BRDT: variants seen among roughly 807,000 people sequenced by gnomAD.
BRDT encodes bromodomain testis-specific protein.
A neutral mutation model predicts 113.9 loss-of-function variants in BRDT; 77 were observed. The observed-to-expected ratio is 0.68, with a 90% CI of 0.56 to 0.82. BRDT has a LOEUF of 0.82. BRDT is among the 40% of genes least tolerant of loss of function. The pLI, the probability that BRDT is intolerant of heterozygous loss-of-function variation, is 0.00. For missense variants in BRDT, 1,027 were observed against 1,105.4 expected, an observed-to-expected ratio of 0.93 and a Z score of 1.01; for synonymous variants, 358 against 366.5, an observed-to-expected ratio of 0.98 and a Z score of 0.26.
In BRDT at chr1:91,984,625, T is replaced by C. The variant is rs2101697351; in HGVS notation, c.2002+2870T>C. ...GAATATGAAAAATAAAATATAAATA[T>C]GAAAAAATAATTAAAAAAAATTTTT... On this transcript the variant is annotated intron_variant, in intron 12 of 18. Coordinates refer to ENST00000399546, the MANE Select transcript of BRDT (RefSeq NM_207189.4). 2.6e-5 allele frequency among the ~76,000 whole-genome samples: 4 copies of C among 152,258 alleles called. 1 individual carries two copies. The highest frequency in any genetic ancestry group is 9.6e-5 in the African/African-American group (4 of 41,562).
At chr1:91,969,622 C>G (rs1304528655) in intron 4 of BRDT, among the ~76,000 whole-genome samples, 2 of 152,030 alleles carry the variant, frequency 1.3e-5, no homozygotes, top group African/African-American at 4.8e-5. Flanking sequence ...CTAATTGTTG[C>G]TGACTTAATT....
At chr1:91,995,009 A>G (rs1428052710) in intron 15 of BRDT, among the ~76,000 whole-genome samples, 2 of 151,950 alleles carry the variant, frequency 1.3e-5, no homozygotes, top group East Asian at 1.9e-4. Flanking sequence ...GGTAGTTCCT[A>G]TTTGTCTAAA....
At chr1:91,974,703 C>T (rs1377555195) in intron 4 of BRDT, among the ~76,000 whole-genome samples, 2 of 152,158 alleles carry the variant, frequency 1.3e-5, no homozygotes, top group African/African-American at 2.4e-5. Flanking sequence ...ACTAGTTCAA[C>T]CATTGTGGAA....
At chr1:91,966,972 G>C (rs777779919) in intron 3 of BRDT, among the ~76,000 whole-genome samples, 3 of 152,144 alleles carry the variant, frequency 2.0e-5, no homozygotes, top group Non-Finnish European at 2.9e-5. Context: ...AGGAGGCTGA[G>C]GCAGGAGAAT....
chr1:92,002,159 AT>A lies in BRDT; in HGVS notation c.2388+20del, dbSNP rs769049388. The A allele has an allele frequency of 2.2e-4, 341 of 1,524,518 alleles. No homozygotes were observed. Among genetic ancestry groups the A allele is most frequent in the East Asian group, 3.7e-4 (16 of 42,826 alleles). The allele number at this position is 1,524,518 out of a possible 1,614,324, so 94.4% of individuals were successfully genotyped here. ...AGCTCCTGTACAGAAGGTAAAAGTA[AT>A]TTTTTTTTTCTAACAAATCTTGAAG... On this transcript the variant is annotated intron_variant, in intron 16 of 18. Coordinates refer to ENST00000399546, the MANE Select transcript of BRDT (RefSeq NM_207189.4).
intron 12 of BRDT, among the ~76,000 whole-genome samples, chr1:91,990,665 A>G (rs530470650): frequency 3.9e-5 from 6 of 152,350 alleles, no homozygotes; most frequent in Non-Finnish European, 5.9e-5. Context: ...TTACTCTACT[A>G]TAGGAAAATA....
chr1:91,982,234 AT>A (rs912692925), intron 12 of BRDT, among the ~76,000 whole-genome samples: 8 of 151,614 alleles, frequency 5.3e-5, no homozygotes, highest in South Asian at 4.2e-4. Context: ...TGTGAATCAG[AT>A]TTTTTTTTCT....
chr1:92,000,297 T>C (rs1403669650), intron 15 of BRDT, among the ~76,000 whole-genome samples: 1 of 152,206 alleles, frequency 6.6e-6, no homozygotes, highest in Non-Finnish European at 1.5e-5. Flanking sequence ...ACATACTTTT[T>C]CTCCTTCCTA....
chr1:91,985,096 T>A (rs972153723), intron 12 of BRDT, among the ~76,000 whole-genome samples: 2 of 152,180 alleles, frequency 1.3e-5, no homozygotes, highest in Admixed American at 1.3e-4. Context: ...ATTTATTGTG[T>A]TTTGAGACGG....
intron 1 of BRDT, among the ~76,000 whole-genome samples, chr1:91,956,706 G>A (rs902952615): frequency 1.3e-5 from 2 of 152,126 alleles, no homozygotes; most frequent in Non-Finnish European, 2.9e-5. Context: ...GGGAGGCTGA[G>A]GTGAGAGGAT....
intron 12 of BRDT, among the ~76,000 whole-genome samples, chr1:91,985,752 C>CAG (rs1456053874): frequency 6.7e-6 from 1 of 149,982 alleles, no homozygotes; most frequent in African/African-American, 2.4e-5. Flanking sequence ...TATTCTCCTG[C>CAG]CTCAGCCTGC....
chr1:92,004,103 T>C (rs1010475389), intron 16 of BRDT, among the ~76,000 whole-genome samples: 7 of 152,196 alleles, frequency 4.6e-5, no homozygotes, highest in African/African-American at 1.7e-4. Context: ...TTGATTACAC[T>C]GAGGGATTTA....
chr1:92,004,376 C>T, intron 16 of BRDT, 38 bp from the exon 17 acceptor site: 1 of 1,492,760 alleles, frequency 6.7e-7, no homozygotes, highest in East Asian at 2.3e-5. Context: ...ATTTGGTTAA[C>T]ATCTGTAGAC....
Position 91,968,232 on chromosome 1 carries a change from T to C in BRDT, c.417T>C (p.Val139=), listed in dbSNP as rs755274471. The C allele has an allele frequency of 6.2e-7, 1 of 1,614,062 alleles. No homozygotes were observed. Among genetic ancestry groups the C allele is most frequent in the South Asian group, 1.1e-5 (1 of 91,070 alleles). ...KLSQMPQEEQ[V]VGVKERIKKG... ...CTCAGATGCCACAAGAAGAGCAAGT[T>C]GTGGGTGTTAAGGAAAGAATCAAGA... Residue 139 remains valine, a synonymous_variant, in exon 4 of 19, where the codon GTT becomes GTC. Transcript: ENST00000399546.
intron 7 of BRDT, among the ~76,000 whole-genome samples, chr1:91,978,728 CG>C (rs1684392946): frequency 6.6e-6 from 1 of 152,064 alleles, no homozygotes; most frequent in South Asian, 2.1e-4. Context: ...TGGCCCGGCG[CG>C]GTGGCTCACG....
chr1:91,977,429 T>G, intron 6 of BRDT, 36 bp downstream of exon 6: 1 of 1,400,490 alleles, frequency 7.1e-7, no homozygotes, highest in Non-Finnish European at 9.6e-7. Flanking sequence ...CTTCTTTTTC[T>G]TGATTATAAA....
At chr1:91,950,368 T>TG (rs1008136037) in intron 1 of BRDT, 1 of 152,526 alleles carries the variant, frequency 6.6e-6, no homozygotes, top group Non-Finnish European at 1.5e-5. Flanking sequence ...GAGAATCGCT[T>TG]GAACCCAGGA....
intron 1 of BRDT, among the ~76,000 whole-genome samples, chr1:91,951,535 G>A (rs1056606783): frequency 2.6e-5 from 4 of 152,072 alleles, no homozygotes; most frequent in Admixed American, 6.6e-5. Context: ...GGTGGCTCAC[G>A]CCTGTAATCC....
At chr1:91,983,857 T>C (rs1684950821) in intron 12 of BRDT, among the ~76,000 whole-genome samples, 1 of 152,190 alleles carries the variant, frequency 6.6e-6, no homozygotes, top group Non-Finnish European at 1.5e-5. Context: ...CATTTTTGTA[T>C]TTTTAGTAGA....
Sources: allele counts gnomAD v4.1 joint callset (sites outside exome capture counted in the v4.1 genomes callset), GRCh38; gene constraint gnomAD v4.1.1; transcripts MANE v1.5; gene names NCBI Gene and HGNC (gene_info 2026-07-23, HGNC 2026-07-21).